SLC45A2: variants seen among roughly 807,000 people sequenced by gnomAD.
SLC45A2 encodes the protein membrane-associated transporter protein.
A neutral mutation model predicts 45.5 loss-of-function variants in SLC45A2; 36 were observed. The observed-to-expected ratio is 0.79, with a 90% confidence interval of 0.61 to 1.04. SLC45A2 has a LOEUF of 1.04. SLC45A2 is among the 50% of genes least tolerant of loss of function. The pLI, the probability that SLC45A2 is intolerant of heterozygous loss-of-function variation, is 0.00. For missense variants in SLC45A2, 719 were observed against 671.0 expected, an observed-to-expected ratio of 1.07 and a Z score of -0.79; for synonymous variants, 306 against 269.3, an observed-to-expected ratio of 1.14 and a Z score of -1.33.
chr5:33,956,323 A>G (rs1225456350), intron 3 of SLC45A2, among the ~76,000 whole-genome samples: 1 of 152,166 alleles, frequency 6.6e-6, no homozygotes, highest in Non-Finnish European at 1.5e-5. Context: ...AAAAGTTGTA[A>G]CAGGAGATGA....
At chr5:33,956,834 G>T (rs945014264) in intron 3 of SLC45A2, among the ~76,000 whole-genome samples, 1 of 152,138 alleles carries the variant, frequency 6.6e-6, no homozygotes, top group African/African-American at 2.4e-5. Flanking sequence ...CTTTAGGGAT[G>T]GGCTAAACGG....
chr5:33,984,026 TC>T (rs1348732437), intron 1 of SLC45A2, among the ~76,000 whole-genome samples, 172 bp downstream of exon 1: 5 of 152,170 alleles, frequency 3.3e-5, no homozygotes, highest in Admixed American at 6.5e-5. Flanking sequence ...AAGTAGAGGC[TC>T]CCCAACCACA....
rs558238026 is a variant in SLC45A2 at position 33,948,893 on chromosome 5, G to A, written c.1157-1519C>T. Among the ~76,000 whole-genome samples the A allele has an allele frequency of 1.2e-3, 180 of 152,308 alleles. No individual in the cohort carries two copies. The Middle Eastern group carries it at 0.017, about 14-fold the overall frequency. On this transcript the variant is annotated intron_variant, in intron 5 of 6. Transcript: ENST00000296589. ...ACTTCAGTACAGAGACTGAAAGTCT[G>A]GCAAAGAATACTTTATTCACAAAGA... is the stretch of plus-strand genomic sequence containing the variant.
intron 2 of SLC45A2, among the ~76,000 whole-genome samples, chr5:33,977,261 T>C (rs187612239): frequency 4.6e-5 from 7 of 152,288 alleles, no homozygotes; most frequent in African/African-American, 1.7e-4. Flanking sequence ...AAAATGAATT[T>C]CTGTTTACCT....
Position 33,954,502 on chromosome 5 carries a change from A to G in SLC45A2, c.891T>C (p.Thr297=). Residue 297 remains threonine (T), a splice_region_variant and synonymous_variant, in exon 4 of 7, where the codon ACT becomes ACC. Coordinates refer to ENST00000296589, the MANE Select transcript of SLC45A2 (RefSeq NM_016180.5). ...GAKNKNHAEQ[T]RRAMTLKSLL... ...GTGACTTTAATGTCATTGCCCTGCG[A>G]GTCTGAAATAAAACATGAAACAGAG... is the stretch of plus-strand genomic sequence containing the variant. The G allele has an allele frequency of 3.1e-6, 5 of 1,613,808 alleles. No homozygotes were observed. The highest frequency in any genetic ancestry group is 3.4e-6 in the Non-Finnish European group (4 of 1,179,974).
rs1299997544 is a variant in SLC45A2, at chr5:33,951,642, G to A, written c.1068C>T (p.Asn356=). 1.2e-6 allele frequency: 2 copies of A among 1,614,184 alleles called. No individual in the cohort carries two copies. The highest frequency in any genetic ancestry group is 1.7e-6 in the Non-Finnish European group (2 of 1,180,028). Residue 356 remains asparagine, a synonymous_variant, in exon 5 of 7, where the codon AAC becomes AAT. Coordinates refer to ENST00000296589, the MANE Select transcript of SLC45A2 (RefSeq NM_016180.5). ...VYRGDPYSAH[N]STEFLIYERG... ...TTTCGTAGATGAGAAACTCTGTGGAGTTGTGTGCACTATAGGGATCCCCGC... is the reference window on the plus strand; with the variant it reads ...TTTCGTAGATGAGAAACTCTGTGGAATTGTGTGCACTATAGGGATCCCCGC...
chr5:33,980,682 G>T (rs994163860), intron 2 of SLC45A2, among the ~76,000 whole-genome samples: 5 of 152,102 alleles, frequency 3.3e-5, no homozygotes, highest in Admixed American at 2.0e-4. Flanking sequence ...GTTCTAAATG[G>T]GAGAGACAAC....
intron 3 of SLC45A2, among the ~76,000 whole-genome samples, chr5:33,957,109 T>C (rs899592547): frequency 6.6e-6 from 1 of 152,128 alleles, no homozygotes; most frequent in Admixed American, 6.5e-5. Context: ...TTGATACAAC[T>C]GTTTTGAAAT....
intron 2 of SLC45A2, chr5:33,970,972 C>G: frequency 2.1e-6 from 1 of 483,634 alleles, no homozygotes; most frequent in Admixed American, 2.2e-5. Context: ...AAGAATTTAC[C>G]AAACCGTATG....
At chr5:33,977,546 C>T (rs749639901) in intron 2 of SLC45A2, among the ~76,000 whole-genome samples, 7 of 152,154 alleles carry the variant, frequency 4.6e-5, no homozygotes, top group Non-Finnish European at 8.8e-5. Context: ...TGAGCATTTC[C>T]AAGCAGCTTT....
chr5:33,951,331 T>C (rs1408364976), intron 5 of SLC45A2: 2 of 1,280,004 alleles, frequency 1.6e-6, no homozygotes, highest in Non-Finnish European at 1.0e-6. Flanking sequence ...AACCCACTGA[T>C]TCCAAGAGCA....
chr5:33,960,278 CATAT>C (rs10565330), intron 3 of SLC45A2, among the ~76,000 whole-genome samples: 73 of 147,132 alleles, frequency 5.0e-4, no homozygotes, highest in East Asian at 9.9e-4. Flanking sequence ...ATTCATCTGA[CATAT>C]ATATATATAT....
chr5:33,950,876 C>T (rs1266329452), intron 5 of SLC45A2, among the ~76,000 whole-genome samples: 3 of 152,200 alleles, frequency 2.0e-5, no homozygotes, highest in Non-Finnish European at 4.4e-5. Flanking sequence ...GTATACAGAG[C>T]TTGGAGATAT....
At chr5:33,982,707 ATGT>A (rs1044002452) in intron 1 of SLC45A2, among the ~76,000 whole-genome samples, 2 of 152,202 alleles carry the variant, frequency 1.3e-5, no homozygotes, top group South Asian at 2.1e-4. Flanking sequence ...GGTGATGAAA[ATGT>A]TGTAGAATTA....
rs777173568 is a variant in SLC45A2, at chr5:33,963,896, A to G, written c.683T>C (p.Leu228Ser). Residue 228 changes from leucine to serine, a missense_variant, in exon 3 of 7, where the codon TTG (leucine) becomes TCG (serine). Leu to Ser is a moderately radical substitution (Grantham distance 145, BLOSUM62 -2). Coordinates refer to ENST00000296589, the MANE Select transcript of SLC45A2 (RefSeq NM_016180.5). ...ACTGCACAGATGAACAGTAAAACAC[A>G]AAGTGAGCACCAATGCAGAGAAGAA... is the stretch of plus-strand genomic sequence containing the variant. ...MFFFSALVLT[L>S]CFTVHLCSIS... The G allele has an allele frequency of 1.4e-5, 22 of 1,614,062 alleles. No individual in the cohort carries two copies. The South Asian group carries it at 2.2e-4, about 16-fold the overall frequency.
At chr5:33,980,578 A>C (rs572318091) in intron 2 of SLC45A2, among the ~76,000 whole-genome samples, 1 of 152,360 alleles carries the variant, frequency 6.6e-6, no homozygotes, top group South Asian at 2.1e-4. Flanking sequence ...ATGTTTGTTC[A>C]GTATTTACTG....
At chr5:33,946,943 G>A in intron 6 of SLC45A2, 1 of 1,461,212 alleles carries the variant, frequency 6.8e-7, no homozygotes, top group Non-Finnish European at 9.0e-7. Context: ...AGCTCCCTAA[G>A]TGAGCAGGAG....
At chr5:33,968,672 T>C (rs559873224) in intron 2 of SLC45A2, among the ~76,000 whole-genome samples, 132 of 152,228 alleles carry the variant, frequency 8.7e-4, no homozygotes, top group Non-Finnish European at 1.5e-3. Context: ...AAATGGGAAA[T>C]TGGTAAACTG....
chr5:33,959,267 T>C (rs1331123742), intron 3 of SLC45A2, among the ~76,000 whole-genome samples: 1 of 152,204 alleles, frequency 6.6e-6, no homozygotes, highest in Non-Finnish European at 1.5e-5. Flanking sequence ...CTGATATATT[T>C]TTAGTAAACC....
Sources: allele counts gnomAD v4.1 joint callset (sites outside exome capture counted in the v4.1 genomes callset), GRCh38; gene constraint gnomAD v4.1.1; transcripts MANE v1.5; gene names NCBI Gene and HGNC (gene_info 2026-07-23, HGNC 2026-07-21).